The following GRM5 variants were observed in gnomAD, a reference collection of about 807,000 sequenced individuals.
GRM5 encodes metabotropic glutamate receptor 5.
Under a neutral mutation model 83.1 loss-of-function variants are expected in GRM5, and 19 were observed. The ratio of observed to expected loss-of-function variants is 0.23; its 90% CI spans 0.16 to 0.34. The LOEUF (loss-of-function observed/expected upper bound fraction) is 0.34. GRM5 is among the 10% of genes least tolerant of loss of function. GRM5 has a pLI of 1.00. For synonymous variants in GRM5, 675 were observed against 633.6 expected (o/e 1.07, Z -0.98); for missense variants, 1,160 against 1,588.3 (o/e 0.73, Z 4.58).
chr11:89,005,507 G>A (rs1021532822), intron 2 of GRM5, among the ~76,000 whole-genome samples: 1 of 152,158 alleles, frequency 6.6e-6, no homozygotes, highest in African/African-American at 2.4e-5. Flanking sequence ...AATGGGAATG[G>A]ATATATTATA....
At chr11:89,062,403 G>T (rs1160457324) in intron 1 of GRM5, among the ~76,000 whole-genome samples, 1 of 152,170 alleles carries the variant, frequency 6.6e-6, no homozygotes, top group Non-Finnish European at 1.5e-5. Flanking sequence ...TGCACCTTTG[G>T]CTGCTTCAAA....
At chr11:88,840,494 C>T (rs1387083990) in intron 3 of GRM5, among the ~76,000 whole-genome samples, 1 of 152,050 alleles carries the variant, frequency 6.6e-6, no homozygotes, top group Non-Finnish European at 1.5e-5. Context: ...TTTTCCCATA[C>T]CCATGATCTC....
intron 2 of GRM5, among the ~76,000 whole-genome samples, chr11:88,967,632 C>T (rs2134997609): frequency 6.6e-6 from 1 of 152,132 alleles, no homozygotes; most frequent in East Asian, 1.9e-4. Flanking sequence ...TTCTAATAAT[C>T]TTTTAAAGGT....
chr11:88,810,919 G>C (rs1187310852), intron 3 of GRM5, among the ~76,000 whole-genome samples: 3 of 152,074 alleles, frequency 2.0e-5, no homozygotes, highest in Non-Finnish European at 2.9e-5. Context: ...ACTGGAATTA[G>C]GAAATCTGGT....
intron 2 of GRM5, among the ~76,000 whole-genome samples, chr11:89,021,282 GA>G (rs1211500614): frequency 1.3e-5 from 2 of 152,110 alleles, no homozygotes; most frequent in Non-Finnish European, 2.9e-5. Context: ...AAATAAAAAA[GA>G]AAATATCACT....
At chr11:88,748,612 C>A (rs1591486225) in intron 3 of GRM5, among the ~76,000 whole-genome samples, 2 of 152,138 alleles carry the variant, frequency 1.3e-5, no homozygotes, top group African/African-American at 4.8e-5. Flanking sequence ...CTTCTCTGGG[C>A]AGGTCCCTGA....
intron 2 of GRM5, among the ~76,000 whole-genome samples, chr11:88,941,496 GGAGGGGAGA>G: frequency 3.4e-5 from 2 of 58,172 alleles, no homozygotes; most frequent in Admixed American, 1.8e-4. Context: ...GGAGGGGAGA[GGAGGGGAGA>G]GGAGGGGAGA....
chr11:89,057,724 A>G (rs1941907760), intron 1 of GRM5, among the ~76,000 whole-genome samples: 1 of 152,170 alleles, frequency 6.6e-6, no homozygotes, highest in South Asian at 2.1e-4. Context: ...TATTAAGGGT[A>G]TACCTCTGAA....
At position 88,509,429 on chromosome 11, in the gene GRM5, G is replaced by C. The variant is rs1193639478; in HGVS notation, c.2802C>G (p.Ser934=). 2 of 1,612,654 alleles carry C rather than the reference G, an allele frequency of 1.2e-6. No individual in the cohort carries two copies. The highest frequency in any genetic ancestry group is 3.3e-5 in the Admixed American group (2 of 60,008). Residue 934 remains serine (S), a synonymous_variant, in exon 10 of 10, where the codon TCC becomes TCG. Coordinates refer to ENST00000305447, the MANE Select transcript of GRM5 (RefSeq NM_001143831.3). The stretch of plus-strand genomic sequence containing the variant: ...GGTTTTCTTTCTTGTTGATGTGGAT[G>C]GACAGGCGCTGCCACAGGTGCTGCC... ...SRGQHLWQRL[S]IHINKKENPN...
chr11:89,028,890 A>G (rs1941193091), intron 2 of GRM5, among the ~76,000 whole-genome samples: 1 of 152,178 alleles, frequency 6.6e-6, no homozygotes, highest in Admixed American at 6.5e-5. Context: ...TGCACCCGTC[A>G]ACCCGTCATC....
intron 3 of GRM5, among the ~76,000 whole-genome samples, chr11:88,794,324 T>C (rs1943234238): frequency 6.6e-6 from 1 of 152,154 alleles, no homozygotes; most frequent in South Asian, 2.1e-4. Flanking sequence ...ATATGAGTTA[T>C]TTCACTTTCC....
chr11:88,552,069 G>A (rs890065011), intron 8 of GRM5, among the ~76,000 whole-genome samples: 9 of 149,248 alleles, frequency 6.0e-5, no homozygotes, highest in African/African-American at 2.3e-4. Context: ...TTGTTGCCCA[G>A]GCTGGAGTGC....
At chr11:88,615,336 TG>T (rs1446946148) in intron 4 of GRM5, among the ~76,000 whole-genome samples, 2 of 152,170 alleles carry the variant, frequency 1.3e-5, no homozygotes, top group African/African-American at 4.8e-5. Flanking sequence ...GTTTAACTTT[TG>T]TAATTTCTTA....
chr11:88,767,516 C>G (rs1468455541), intron 3 of GRM5, among the ~76,000 whole-genome samples: 2 of 151,926 alleles, frequency 1.3e-5, no homozygotes, highest in Non-Finnish European at 2.9e-5. Context: ...AAGATAATGT[C>G]CTTTGCATCA....
chr11:88,939,495 G>A (rs1372263050), intron 2 of GRM5, among the ~76,000 whole-genome samples: 1 of 151,594 alleles, frequency 6.6e-6, no homozygotes, highest in East Asian at 1.9e-4. Flanking sequence ...TGCATATGTG[G>A]GCAACAAAGG....
intron 3 of GRM5, among the ~76,000 whole-genome samples, chr11:88,694,319 A>G (rs1272904691): frequency 2.6e-5 from 4 of 152,168 alleles, no homozygotes; most frequent in African/African-American, 9.7e-5. Context: ...TAGGTCTCCT[A>G]TATTGCTATT....
intron 2 of GRM5, among the ~76,000 whole-genome samples, chr11:89,022,343 A>G (rs1372346853): frequency 1.3e-5 from 2 of 152,136 alleles, no homozygotes; most frequent in African/African-American, 2.4e-5. Flanking sequence ...GTTATGCAAG[A>G]TTAAAAATAA....
intron 3 of GRM5, among the ~76,000 whole-genome samples, chr11:88,739,770 C>T (rs559005520): frequency 6.6e-6 from 1 of 152,126 alleles, no homozygotes; most frequent in African/African-American, 2.4e-5. Flanking sequence ...CTGAGGCCTC[C>T]CCAGCCATGT....
chr11:88,598,866 CTG>C (rs1233050748), intron 5 of GRM5, among the ~76,000 whole-genome samples: 1 of 152,168 alleles, frequency 6.6e-6, no homozygotes, highest in East Asian at 1.9e-4. Context: ...GCTGTCAACT[CTG>C]TTTCTAGCAA....
Sources: gnomAD v4.1 joint callset for allele counts (sites outside exome capture counted in the v4.1 genomes callset) on GRCh38, gnomAD v4.1.1 for gene constraint, MANE v1.5 for transcripts, NCBI Gene and HGNC (gene_info 2026-07-23, HGNC 2026-07-21) for gene names.